Variants in CABYR observed in about 807,000 individuals in gnomAD.
CABYR encodes calcium binding tyrosine phosphorylation regulated, also known as calcium-binding tyrosine phosphorylation-regulated protein.
In CABYR, 31 loss-of-function variants were observed where a neutral mutation model predicts 36.1. The ratio of observed to expected loss-of-function variants is 0.86; its 90% CI spans 0.64 to 1.16. The LOEUF (loss-of-function observed/expected upper bound fraction) is 1.16. Ranked by LOEUF, CABYR falls within the 50% of genes most tolerant of loss-of-function variation. CABYR has a pLI of 0.00. For missense variants in CABYR, 429 were observed against 455.8 expected, an observed-to-expected ratio of 0.94 and a Z score of 0.53; for synonymous variants, 146 against 160.7, an observed-to-expected ratio of 0.91 and a Z score of 0.69.
chr18:24,156,977 T>A (rs141247688), intron 4 of CABYR: 4 of 1,604,650 alleles, frequency 2.5e-6, no homozygotes, highest in Non-Finnish European at 3.4e-6. Context: ...AATCAACAGC[T>A]GAATAAGGTT....
intron 3 of CABYR, among the ~76,000 whole-genome samples, chr18:24,153,734 G>A (rs769216730): frequency 2.0e-4 from 31 of 152,078 alleles, no homozygotes; most frequent in Non-Finnish European, 3.8e-4. Context: ...TTTTCCTGTT[G>A]TTATGATGGA....
At chr18:24,156,878 G>A (rs781433714) in intron 4 of CABYR, 2 of 1,614,116 alleles carry the variant, frequency 1.2e-6, no homozygotes, top group South Asian at 1.1e-5. Context: ...CAGAAGCAGT[G>A]CACTCAGGTA....
At chr18:24,146,220 C>T (rs1159507878) in intron 3 of CABYR, among the ~76,000 whole-genome samples, 1 of 152,100 alleles carries the variant, frequency 6.6e-6, no homozygotes, top group African/African-American at 2.4e-5. Context: ...TGAAAAGATG[C>T]AGAACTTCAA....
intron 4 of CABYR, chr18:24,157,099 A>G (rs1453944866): frequency 6.0e-6 from 5 of 832,766 alleles, no homozygotes; most frequent in Non-Finnish European, 1.9e-6. Context: ...GTCAGTCTTT[A>G]TTTTCAATAG....
At chr18:24,147,245 C>A (rs1194640756) in intron 3 of CABYR, among the ~76,000 whole-genome samples, 2 of 90,116 alleles carry the variant, frequency 2.2e-5, no homozygotes, top group African/African-American at 9.1e-5. Context: ...AGTGCAAAAC[C>A]ATGTCTCAAA....
In CABYR at chr18:24,143,228, A is replaced by T; in HGVS notation, c.114A>T (p.Ala38=). 6.2e-7 allele frequency: 1 copy of T among 1,613,840 alleles called. No homozygotes were observed. Among genetic ancestry groups the T allele is most frequent in the South Asian group, 1.1e-5 (1 of 90,986 alleles). Residue 38 remains alanine, a synonymous_variant, in exon 2 of 6, where the codon GCA becomes GCT. Transcript: ENST00000399496. The stretch of plus-strand genomic sequence containing the variant: ...CATCAAACATCAACCAGTTTGCAGC[A>T]GCTTATTTTCAAGAACTTACTATGT... ...TNPSNINQFA[A]AYFQELTMYR... is the part of the protein sequence containing the mutation.
At chr18:24,154,637 A>C (rs2085726540) in intron 3 of CABYR, among the ~76,000 whole-genome samples, 1 of 152,260 alleles carries the variant, frequency 6.6e-6, no homozygotes, top group Non-Finnish European at 1.5e-5. Context: ...ATATATTCTT[A>C]TGAAGCAAAT....
intron 3 of CABYR, among the ~76,000 whole-genome samples, chr18:24,143,877 G>A (rs1159625922): frequency 6.6e-6 from 1 of 150,794 alleles, no homozygotes; most frequent in African/African-American, 2.4e-5. Context: ...GAGGAAAGTT[G>A]TATAAATACT....
rs759243702 is a variant in CABYR at position 24,153,971 on chromosome 18, C to G, written c.200-1730C>G. 3.8e-3 allele frequency among the ~76,000 whole-genome samples: 581 copies of G among 151,700 alleles called. 3 individuals are homozygous for G. The highest frequency in any genetic ancestry group is 6.8e-3 in the Middle Eastern group (2 of 294). On this transcript the variant is annotated intron_variant, in intron 3 of 5. Coordinates refer to ENST00000399496, the MANE Select transcript of CABYR (RefSeq NM_153769.3). ...TACAAAAATTAGCCGGGCATGGTGG[C>G]AGGTGCCCATAGTCCCAGCTACTCA...
intron 3 of CABYR, among the ~76,000 whole-genome samples, chr18:24,155,091 A>T (rs1168848094): frequency 6.6e-6 from 1 of 151,246 alleles, no homozygotes; most frequent in African/African-American, 2.5e-5. Flanking sequence ...GCCTTTATTA[A>T]TATGCAGCAT....
intron 3 of CABYR, among the ~76,000 whole-genome samples, chr18:24,148,954 T>C (rs1042124903): frequency 5.3e-5 from 8 of 152,184 alleles, no homozygotes; most frequent in Admixed American, 2.6e-4. Flanking sequence ...CACTGCTGGC[T>C]CGAACAGCCT....
intron 5 of CABYR, chr18:24,160,378 G>T: frequency 3.4e-6 from 1 of 293,194 alleles, no homozygotes; most frequent in Non-Finnish European, 6.3e-6. Flanking sequence ...TGCGAAAAGG[G>T]GATGGATTTT....
intron 3 of CABYR, among the ~76,000 whole-genome samples, chr18:24,155,311 T>C (rs752797): frequency 0.44 from 66,470 of 152,062 alleles, 15,062 homozygotes; most frequent in East Asian, 0.63. Context: ...TGATTATTAG[T>C]CTTGCTACTG....
chr18:24,155,448 T>C (rs2085753893), intron 3 of CABYR, among the ~76,000 whole-genome samples: 1 of 152,098 alleles, frequency 6.6e-6, no homozygotes, highest in Admixed American at 6.5e-5. Flanking sequence ...TTAATTTGTG[T>C]CTATACTGAC....
At chr18:24,158,871 C>G (rs530121070) in intron 4 of CABYR, among the ~76,000 whole-genome samples, 1 of 152,122 alleles carries the variant, frequency 6.6e-6, no homozygotes, top group African/African-American at 2.4e-5. Context: ...TGGGACCAGC[C>G]AGCCTTTTAC....
Position 24,159,731 on chromosome 18 carries a change from T to C in CABYR, c.801T>C (p.Val267=), listed in dbSNP as rs761941571. 2 of 1,613,950 alleles carry C rather than the reference T, an allele frequency of 1.2e-6. No individual in the cohort carries two copies. Among genetic ancestry groups the C allele is most frequent in the African/African-American group, 2.7e-5 (2 of 74,976 alleles). The change falls in exon 5 of 6, where the codon GTT becomes GTC. Residue 267 remains valine (V), a synonymous_variant. Coordinates refer to ENST00000399496, the MANE Select transcript of CABYR (RefSeq NM_153769.3). ...APPFILVGSN[V]QEAQGWKPLP... is the part of the protein sequence containing the mutation. ...CTTTTATCTTAGTAGGCTCAAATGT[T>C]CAGGAAGCACAGGGATGGAAACCTC...
intron 3 of CABYR, among the ~76,000 whole-genome samples, chr18:24,153,993 C>CT (rs2085706364): frequency 6.8e-6 from 1 of 147,914 alleles, no homozygotes. Flanking sequence ...GTCCCAGCTA[C>CT]TCAGGAGGCT....
intron 3 of CABYR, among the ~76,000 whole-genome samples, chr18:24,149,907 C>T (rs949658331): frequency 2.6e-5 from 4 of 152,216 alleles, no homozygotes; most frequent in African/African-American, 7.2e-5. Flanking sequence ...AAGCGCGGCG[C>T]GCAGCCCCGG....
chr18:24,160,430 G>A (rs933414053), intron 5 of CABYR, among the ~76,000 whole-genome samples: 1 of 152,214 alleles, frequency 6.6e-6, no homozygotes, highest in African/African-American at 2.4e-5. Context: ...GGAGTAGGGA[G>A]GAGCTGGGAA....
Sources: gnomAD v4.1 joint callset for allele counts (sites outside exome capture counted in the v4.1 genomes callset) on GRCh38, gnomAD v4.1.1 for gene constraint, MANE v1.5 for transcripts, NCBI Gene and HGNC (gene_info 2026-07-23, HGNC 2026-07-21) for gene names.